Variants in UHRF2 observed in about 807,000 individuals in gnomAD.
UHRF2 encodes the protein E3 ubiquitin-protein ligase UHRF2.
In UHRF2, 23 loss-of-function variants were observed where a neutral mutation model predicts 96.8. The ratio of observed to expected loss-of-function variants is 0.24; its 90% CI spans 0.17 to 0.34. The LOEUF (loss-of-function observed/expected upper bound fraction) is 0.34, where lower values mean the gene tolerates loss of function less well. UHRF2 is among the 10% of genes least tolerant of loss of function. The pLI is 1.00. For missense variants in UHRF2, 685 were observed against 981.5 expected (o/e 0.70, Z 4.04); for synonymous variants, 385 against 332.6 (o/e 1.16, Z -1.72).
intron 13 of UHRF2, 66 bp downstream of exon 13, chr9:6,499,997 G>T (rs939243027): frequency 1.3e-5 from 16 of 1,258,330 alleles, no homozygotes; most frequent in Non-Finnish European, 1.5e-5. Flanking sequence ...GTTGAGACGG[G>T]GTCTCACTCT....
rs768169713 is a variant in UHRF2 at position 6,486,804 on chromosome 9, CTT to C, written c.1393-15_1393-14del. The C allele has an allele frequency of 4.0e-5, 64 of 1,612,576 alleles. No homozygotes were observed. Among genetic ancestry groups the C allele is most frequent in the Non-Finnish European group, 4.9e-5 (58 of 1,178,962 alleles). ...CTGTTCAGAGGTATTTTGAGACTCT[CTT>C]TAATTGTTTTATAGGTGAGCGAAGC... On this transcript the variant is annotated splice_polypyrimidine_tract_variant and intron_variant, in intron 8 of 15. Coordinates refer to ENST00000276893, the MANE Select transcript of UHRF2 (RefSeq NM_152896.3).
chr9:6,474,903 A>G (rs919195380), intron 4 of UHRF2, among the ~76,000 whole-genome samples: 3 of 152,156 alleles, frequency 2.0e-5, no homozygotes, highest in Non-Finnish European at 2.9e-5. Context: ...TTTTTTGTAG[A>G]TTTTTTAAAT....
At chr9:6,505,121 C>T (rs1816514310) in intron 15 of UHRF2, among the ~76,000 whole-genome samples, 1 of 152,014 alleles carries the variant, frequency 6.6e-6, no homozygotes, top group East Asian at 1.9e-4. Flanking sequence ...TTTAGTCAAG[C>T]CAAGGTTTGA....
At chr9:6,414,989 C>T (rs535392570) in intron 1 of UHRF2, among the ~76,000 whole-genome samples, 4 of 152,270 alleles carry the variant, frequency 2.6e-5, no homozygotes, top group African/African-American at 9.6e-5. Context: ...CTTTGCTGTG[C>T]CTCAAGTGGC....
chr9:6,419,343 T>G (rs1438019657), intron 1 of UHRF2, among the ~76,000 whole-genome samples: 1 of 152,208 alleles, frequency 6.6e-6, no homozygotes, highest in Non-Finnish European at 1.5e-5. Flanking sequence ...TGCAAATAAT[T>G]TATTCACTAT....
chr9:6,500,050 G>T, intron 13 of UHRF2, 119 bp downstream of exon 13: 1 of 778,458 alleles, frequency 1.3e-6, no homozygotes, highest in Non-Finnish European at 2.1e-6. Context: ...TTGGCTCACT[G>T]TAGCCTTGAC....
intron 5 of UHRF2, among the ~76,000 whole-genome samples, chr9:6,477,159 G>T (rs1286369664): frequency 6.6e-6 from 1 of 152,108 alleles, no homozygotes; most frequent in African/African-American, 2.4e-5. Context: ...CTTGAACCCA[G>T]GAGGCAGGGG....
intron 2 of UHRF2, among the ~76,000 whole-genome samples, chr9:6,431,178 G>C (rs1820543960): frequency 6.6e-6 from 1 of 152,136 alleles, no homozygotes; most frequent in South Asian, 2.1e-4. Context: ...AATTTTGCTT[G>C]ACTTAGTATG....
chr9:6,456,188 C>G lies in UHRF2; in HGVS notation c.645-4385C>G, dbSNP rs12349901. 3.3e-3 allele frequency among the ~76,000 whole-genome samples: 508 copies of G among 152,228 alleles called. 1 individual carries two copies. The highest frequency in any genetic ancestry group is 0.012 in the African/African-American group (497 of 41,532). On this transcript the variant is annotated intron_variant, in intron 3 of 15. Coordinates refer to ENST00000276893, the MANE Select transcript of UHRF2 (RefSeq NM_152896.3). ...CTAGAGAGCTGGCTACATGTAAAAA[C>G]TAGAATCTGTTTTTTCCTGACTTTT...
At chr9:6,445,424 G>T (rs1444317310) in intron 3 of UHRF2, among the ~76,000 whole-genome samples, 1 of 151,980 alleles carries the variant, frequency 6.6e-6, no homozygotes, top group Non-Finnish European at 1.5e-5. Context: ...ACCACATTCG[G>T]CTAATTTTGT....
intron 3 of UHRF2, among the ~76,000 whole-genome samples, chr9:6,441,780 A>C (rs1821180637): frequency 6.6e-6 from 1 of 152,032 alleles, no homozygotes; most frequent in African/African-American, 2.4e-5. Flanking sequence ...AATTATTGGA[A>C]CTAATTCTTT....
At chr9:6,419,397 G>A (rs1306797844) in intron 1 of UHRF2, among the ~76,000 whole-genome samples, 1 of 151,982 alleles carries the variant, frequency 6.6e-6, no homozygotes, top group Admixed American at 6.5e-5. Flanking sequence ...ATTGCAGATC[G>A]ATAGAATTAG....
At chr9:6,425,546 G>C (rs1820207332) in intron 2 of UHRF2, among the ~76,000 whole-genome samples, 2 of 152,072 alleles carry the variant, frequency 1.3e-5, no homozygotes, top group South Asian at 4.2e-4. Context: ...CTACAGGTCA[G>C]GAGTTTGAGA....
chr9:6,485,769 G>T (rs1369644115), intron 8 of UHRF2, among the ~76,000 whole-genome samples: 2 of 130,614 alleles, frequency 1.5e-5, no homozygotes, highest in South Asian at 4.9e-4. Context: ...TTCAAGACCA[G>T]CCTGGGCAAC....
chr9:6,450,634 G>T (rs1316031282), intron 3 of UHRF2, among the ~76,000 whole-genome samples: 2 of 152,110 alleles, frequency 1.3e-5, no homozygotes, highest in Non-Finnish European at 1.5e-5. Flanking sequence ...TTCAAAGGTT[G>T]ACCGGTGAGA....
chr9:6,474,271 G>A, intron 4 of UHRF2, among the ~76,000 whole-genome samples: 1 of 152,148 alleles, frequency 6.6e-6, no homozygotes, highest in African/African-American at 2.4e-5. Context: ...AGAAAAGGTG[G>A]AAGGATGGAA....
chr9:6,466,312 C>T (rs1225471152), intron 4 of UHRF2, among the ~76,000 whole-genome samples: 5 of 151,872 alleles, frequency 3.3e-5, no homozygotes, highest in African/African-American at 4.8e-5. Flanking sequence ...CTGAGGCGGA[C>T]GGATCACCTG....
chr9:6,448,896 T>G (rs1011130994), intron 3 of UHRF2, among the ~76,000 whole-genome samples: 4 of 152,202 alleles, frequency 2.6e-5, no homozygotes, highest in African/African-American at 7.2e-5. Context: ...TAGCCAGTGT[T>G]TGGATTTTCA....
Position 6,434,189 on chromosome 9 carries a change from A to G in UHRF2, c.644+16A>G, listed in dbSNP as rs765726737. The G allele has an allele frequency of 6.3e-6, 10 of 1,593,332 alleles. No homozygotes were observed. Among genetic ancestry groups the G allele is most frequent in the African/African-American group, 4.0e-5 (3 of 74,300 alleles). On this transcript the variant is annotated intron_variant, in intron 3 of 15. Coordinates refer to ENST00000276893, the MANE Select transcript of UHRF2 (RefSeq NM_152896.3). Reference sequence around the variant, plus strand: ...AGTATGATGAGTAAGTGCTCAAGCTATTGAGGACTTTATTCATATTTTCAT... The same window carrying G: ...AGTATGATGAGTAAGTGCTCAAGCTGTTGAGGACTTTATTCATATTTTCAT...
Sources: allele counts gnomAD v4.1 joint callset (sites outside exome capture counted in the v4.1 genomes callset), GRCh38; gene constraint gnomAD v4.1.1; transcripts MANE v1.5; gene names NCBI Gene and HGNC (gene_info 2026-07-23, HGNC 2026-07-21).